The following RALGPS1 variants were observed in gnomAD, a reference collection of about 807,000 sequenced individuals.
RALGPS1 encodes ras-specific guanine nucleotide-releasing factor RalGPS1.
RALGPS1 carries 19 observed loss-of-function variants against 78.8 expected under a neutral mutation model. The ratio of observed to expected loss-of-function variants is 0.24; its 90% CI spans 0.17 to 0.35. The LOEUF (loss-of-function observed/expected upper bound fraction) is 0.35. Ranked by LOEUF, RALGPS1 falls within the 10% of genes least tolerant of loss-of-function variation. The pLI, the probability that RALGPS1 is intolerant of heterozygous loss-of-function variation, is 1.00. For synonymous variants in RALGPS1, 228 were observed against 256.3 expected (o/e 0.89, Z 1.06); for missense variants, 454 against 688.3 (o/e 0.66, Z 3.81).
At chr9:127,184,891 A>C (rs917303100) in intron 11 of RALGPS1, among the ~76,000 whole-genome samples, 2 of 152,162 alleles carry the variant, frequency 1.3e-5, no homozygotes, top group Admixed American at 6.5e-5. Flanking sequence ...TGCCCCTGTG[A>C]GCGGCAGCAG....
At chr9:127,196,824 C>T (rs1279519007) in intron 13 of RALGPS1, among the ~76,000 whole-genome samples, 193 bp downstream of exon 13, 2 of 152,258 alleles carry the variant, frequency 1.3e-5, no homozygotes, top group Non-Finnish European at 2.9e-5. Flanking sequence ...GTCTCCTAGC[C>T]TCGTGGGCTT....
At position 126,940,422 on chromosome 9, in the gene RALGPS1, A is replaced by G. The variant is rs1001002337; in HGVS notation, c.-65-21803A>G. On this transcript the variant is annotated intron_variant, in intron 1 of 18. Coordinates refer to ENST00000259351, the MANE Select transcript of RALGPS1 (RefSeq NM_014636.3). Reference sequence around the variant, plus strand: ...TTTCTTCAGTCCCTGTCCATTGGGCAGGTGTATGTATATATATAATTTTTT... The same window carrying G: ...TTTCTTCAGTCCCTGTCCATTGGGCGGGTGTATGTATATATATAATTTTTT... Among the ~76,000 whole-genome samples the G allele has an allele frequency of 5.4e-5, 8 of 149,448 alleles. No homozygotes were observed. The East Asian group carries it at 1.2e-3, about 22-fold the overall frequency.
At chr9:127,025,144 A>T (rs2045857392) in intron 4 of RALGPS1, among the ~76,000 whole-genome samples, 1 of 152,184 alleles carries the variant, frequency 6.6e-6, no homozygotes, top group Admixed American at 6.5e-5. Context: ...TGTAAGTCAA[A>T]TCATAATACT....
intron 18 of RALGPS1, among the ~76,000 whole-genome samples, chr9:127,215,288 C>T (rs898277867): frequency 6.6e-6 from 1 of 152,224 alleles, no homozygotes. Context: ...CCACGCAAAG[C>T]TGCTGGTGAA....
chr9:126,931,286 C>T (rs2035764441), intron 1 of RALGPS1, among the ~76,000 whole-genome samples: 1 of 152,078 alleles, frequency 6.6e-6, no homozygotes, highest in Non-Finnish European at 1.5e-5. Context: ...CATGTGTCTA[C>T]CTAAAAGAAG....
At chr9:127,008,208 T>G (rs1241041739) in intron 4 of RALGPS1, among the ~76,000 whole-genome samples, 1 of 151,734 alleles carries the variant, frequency 6.6e-6, no homozygotes, top group African/African-American at 2.4e-5. Flanking sequence ...ACATGTTGAG[T>G]TGGAAGTGCC....
chr9:126,966,553 C>T (rs1481679770), intron 3 of RALGPS1, among the ~76,000 whole-genome samples: 2 of 138,330 alleles, frequency 1.4e-5, no homozygotes. Context: ...GCATGTACAA[C>T]ACACATATGA....
intron 8 of RALGPS1, among the ~76,000 whole-genome samples, chr9:127,100,262 A>G (rs895954558): frequency 2.0e-5 from 3 of 152,236 alleles, no homozygotes; most frequent in African/African-American, 7.2e-5. Context: ...TAAAAATTCT[A>G]TTAAATGTGT....
At chr9:127,076,555 A>G (rs1023526028) in intron 8 of RALGPS1, among the ~76,000 whole-genome samples, 4 of 152,254 alleles carry the variant, frequency 2.6e-5, no homozygotes, top group Non-Finnish European at 5.9e-5. Flanking sequence ...TGCAAATATA[A>G]ATTCTAAAGT....
chr9:126,997,312 T>A (rs2042865931), intron 4 of RALGPS1, among the ~76,000 whole-genome samples: 1 of 152,190 alleles, frequency 6.6e-6, no homozygotes, highest in Admixed American at 6.5e-5. Context: ...CTCCTCAAGC[T>A]GATAACTTCA....
chr9:127,195,050 C>A, intron 11 of RALGPS1, 41 bp from the exon 12 acceptor site: 1 of 1,606,638 alleles, frequency 6.2e-7, no homozygotes, highest in Non-Finnish European at 8.5e-7. Context: ...CTCACCCTCC[C>A]ATCATAACCC....
At chr9:127,202,790 A>G (rs1286225496) in intron 14 of RALGPS1, among the ~76,000 whole-genome samples, 3 of 152,086 alleles carry the variant, frequency 2.0e-5, no homozygotes, top group African/African-American at 4.8e-5. Context: ...CTGTGACTCC[A>G]CCTAGTGTCC....
At chr9:126,972,761 A>G (rs2132492279) in intron 3 of RALGPS1, among the ~76,000 whole-genome samples, 1 of 152,342 alleles carries the variant, frequency 6.6e-6, no homozygotes. Context: ...GTAGATTAAA[A>G]GAGATTTTAA....
chr9:127,035,446 A>G (rs1397135559), intron 5 of RALGPS1, among the ~76,000 whole-genome samples: 1 of 152,124 alleles, frequency 6.6e-6, no homozygotes, highest in Non-Finnish European at 1.5e-5. Flanking sequence ...AAACCCCCAA[A>G]TTGTACTGTT....
intron 4 of RALGPS1, among the ~76,000 whole-genome samples, chr9:127,005,082 T>C (rs999187513): frequency 6.6e-6 from 1 of 152,218 alleles, no homozygotes; most frequent in Non-Finnish European, 1.5e-5. Flanking sequence ...AAGCAGTTCC[T>C]GTGTCAAGTG....
intron 8 of RALGPS1, among the ~76,000 whole-genome samples, chr9:127,119,156 A>G (rs2055778442): frequency 6.6e-6 from 1 of 152,166 alleles, no homozygotes. Flanking sequence ...CTGGTTTCGA[A>G]GCTCAGTTCC....
At chr9:127,028,049 T>C (rs2046105824) in intron 4 of RALGPS1, among the ~76,000 whole-genome samples, 1 of 152,258 alleles carries the variant, frequency 6.6e-6, no homozygotes, top group Non-Finnish European at 1.5e-5. Flanking sequence ...GCTCCCTATG[T>C]ATCTGTAGAC....
chr9:127,149,421 G>A (rs543927975), intron 8 of RALGPS1, among the ~76,000 whole-genome samples: 1 of 152,382 alleles, frequency 6.6e-6, no homozygotes, highest in South Asian at 2.1e-4. Flanking sequence ...CAGCAACATA[G>A]TGGAGCTCGG....
At chr9:127,045,762 TACACACAC>T (rs59773981) in intron 5 of RALGPS1, among the ~76,000 whole-genome samples, 7,742 of 136,962 alleles carry the variant, frequency 0.057, 275 homozygotes, top group African/African-American at 0.1. Context: ...CACACACACA[TACACACAC>T]ACACACACAC....
Sources: gnomAD v4.1 joint callset for allele counts (sites outside exome capture counted in the v4.1 genomes callset) on GRCh38, gnomAD v4.1.1 for gene constraint, MANE v1.5 for transcripts, NCBI Gene and HGNC (gene_info 2026-07-23, HGNC 2026-07-21) for gene names.